The following FAR2 variants were observed in gnomAD, a reference collection of about 807,000 sequenced individuals.
The protein encoded by FAR2 is fatty acyl-CoA reductase 2.
In FAR2, 19 loss-of-function variants were observed where a neutral mutation model predicts 56.0. The observed-to-expected ratio is 0.34, with a 90% CI of 0.24 to 0.50. The LOEUF is 0.50. FAR2 is among the 20% of genes least tolerant of loss of function. The pLI is 0.98. For synonymous variants in FAR2, 219 were observed against 218.8 expected (o/e 1.00, Z -0.01); for missense variants, 508 against 642.2 (o/e 0.79, Z 2.26).
chr12:29,299,050 C>T (rs540513978), intron 4 of FAR2, among the ~76,000 whole-genome samples: 1 of 151,842 alleles, frequency 6.6e-6, no homozygotes, highest in African/African-American at 2.4e-5. Flanking sequence ...CCTGTCTCTA[C>T]TAAATACAAA....
chr12:29,314,356 G>T (rs1249459413), intron 8 of FAR2, among the ~76,000 whole-genome samples: 5 of 151,392 alleles, frequency 3.3e-5, no homozygotes, highest in Non-Finnish European at 7.4e-5. Flanking sequence ...GCTGGTATGG[G>T]TCCTACCATT....
intron 11 of FAR2, chr12:29,333,282 CA>C (rs1591980028): frequency 4.0e-6 from 1 of 247,300 alleles, no homozygotes; most frequent in Non-Finnish European, 7.8e-6. Flanking sequence ...CCTTGAATAG[CA>C]AGCCAAGAAC....
At chr12:29,321,045 G>A (rs1474457534) in intron 9 of FAR2, among the ~76,000 whole-genome samples, 1 of 151,304 alleles carries the variant, frequency 6.6e-6, no homozygotes, top group Non-Finnish European at 1.5e-5. Context: ...CTTTGTGAAA[G>A]TATCAGGACT....
chr12:29,162,962 C>T (rs1397054510), intron 1 of FAR2, among the ~76,000 whole-genome samples: 1 of 152,198 alleles, frequency 6.6e-6, no homozygotes, highest in Non-Finnish European at 1.5e-5. Flanking sequence ...AAAACACAGT[C>T]ATTGCCCTGA....
intron 10 of FAR2, among the ~76,000 whole-genome samples, chr12:29,331,209 G>A (rs1949726818): frequency 8.0e-6 from 1 of 124,552 alleles, no homozygotes; most frequent in African/African-American, 2.7e-5. Context: ...CTAAAGATAG[G>A]CTTTTTTTTT....
At chr12:29,232,812 C>T (rs187578676) in intron 1 of FAR2, among the ~76,000 whole-genome samples, 10 of 144,550 alleles carry the variant, frequency 6.9e-5, no homozygotes, top group East Asian at 2.0e-4. Context: ...CACACACATA[C>T]GCGCTCGCGC....
chr12:29,189,070 A>G (rs1011996555), intron 1 of FAR2, among the ~76,000 whole-genome samples: 2 of 151,976 alleles, frequency 1.3e-5, no homozygotes, highest in Non-Finnish European at 2.9e-5. Flanking sequence ...TTCATATTTT[A>G]TGCTTTAGAA....
rs35811111 is a variant in FAR2 at position 29,153,338 on chromosome 12, T to TA, written c.-39+3941dup. 9.3e-4 allele frequency among the ~76,000 whole-genome samples: 139 copies of TA among 149,488 alleles called. 1 individual carries two copies. The highest frequency in any genetic ancestry group is 3.0e-3 in the African/African-American group (121 of 40,814). The stretch of plus-strand genomic sequence containing the variant: ...AAAGAAGCATAGGGGTTAACTTGAC[T>TA]AAAAAAAAAATCAACAAAGAGAAAA... On this transcript the variant is annotated intron_variant, in intron 1 of 11. Coordinates refer to ENST00000536681, the MANE Select transcript of FAR2 (RefSeq NM_001271783.2).
intron 1 of FAR2, among the ~76,000 whole-genome samples, chr12:29,182,750 C>T (rs192350418): frequency 4.4e-4 from 67 of 152,168 alleles, no homozygotes; most frequent in Non-Finnish European, 8.8e-4. Flanking sequence ...AGTGAATTCC[C>T]TCAACATCAA....
chr12:29,274,321 G>A (rs1419580776), intron 2 of FAR2, among the ~76,000 whole-genome samples: 1 of 151,224 alleles, frequency 6.6e-6, no homozygotes, highest in East Asian at 2.0e-4. Context: ...GTGATAGTTT[G>A]CTGAGAATGA....
intron 1 of FAR2, among the ~76,000 whole-genome samples, chr12:29,179,098 A>G (rs1444951387): frequency 1.3e-5 from 2 of 152,220 alleles, no homozygotes; most frequent in South Asian, 2.1e-4. Flanking sequence ...CAGTCAGGTC[A>G]GTTTAGGGCC....
chr12:29,316,571 T>G (rs1301513728), intron 8 of FAR2, among the ~76,000 whole-genome samples: 2 of 152,204 alleles, frequency 1.3e-5, no homozygotes, highest in Admixed American at 1.3e-4. Context: ...GAACAGTACC[T>G]CCTTGTATTG....
intron 1 of FAR2, among the ~76,000 whole-genome samples, chr12:29,181,776 T>TC (rs1245421417): frequency 2.0e-5 from 3 of 152,264 alleles, no homozygotes; most frequent in Non-Finnish European, 4.4e-5. Context: ...TCTCAACATT[T>TC]CCCCCAATAC....
At chr12:29,154,935 A>G (rs1368603733) in intron 1 of FAR2, among the ~76,000 whole-genome samples, 1 of 152,184 alleles carries the variant, frequency 6.6e-6, no homozygotes, top group African/African-American at 2.4e-5. Flanking sequence ...TTTAACATCT[A>G]CAGTTCTCTA....
intron 3 of FAR2, among the ~76,000 whole-genome samples, chr12:29,294,821 C>T (rs769328548): frequency 2.0e-5 from 3 of 151,642 alleles, no homozygotes; most frequent in Non-Finnish European, 4.4e-5. Context: ...AAGAGGAGTA[C>T]GGGCCAATTC....
chr12:29,249,138 G>A (rs945036215), intron 1 of FAR2, among the ~76,000 whole-genome samples: 1 of 152,160 alleles, frequency 6.6e-6, no homozygotes, highest in African/African-American at 2.4e-5. Flanking sequence ...GTATTGATTG[G>A]GGAAGTGATA....
intron 1 of FAR2, among the ~76,000 whole-genome samples, chr12:29,198,818 G>A (rs1320119630): frequency 6.6e-6 from 1 of 151,770 alleles, no homozygotes; most frequent in Non-Finnish European, 1.5e-5. Flanking sequence ...CCCCCTCATC[G>A]CACCCCCTGC....
intron 1 of FAR2, among the ~76,000 whole-genome samples, chr12:29,158,956 A>G (rs1411332244): frequency 6.6e-6 from 1 of 152,158 alleles, no homozygotes; most frequent in East Asian, 1.9e-4. Flanking sequence ...TCATTCATTT[A>G]TTCATTTGTA....
intron 1 of FAR2, among the ~76,000 whole-genome samples, chr12:29,245,858 A>G (rs1223008248): frequency 2.0e-5 from 3 of 152,068 alleles, no homozygotes; most frequent in Non-Finnish European, 4.4e-5. Flanking sequence ...TGCTTTCCCA[A>G]CATCACTACC....
Sources: allele counts gnomAD v4.1 joint callset (sites outside exome capture counted in the v4.1 genomes callset), GRCh38; gene constraint gnomAD v4.1.1; transcripts MANE v1.5; gene names NCBI Gene and HGNC (gene_info 2026-07-23, HGNC 2026-07-21).